The following CLASP2 variants were observed in gnomAD, a reference collection of about 807,000 sequenced individuals.
CLASP2 encodes cytoplasmic linker associated protein 2, also known as CLIP-associating protein 2.
In CLASP2, 47 loss-of-function variants were observed where a neutral mutation model predicts 194.4. The observed-to-expected ratio is 0.24, with a 90% CI of 0.19 to 0.31. CLASP2 has a LOEUF of 0.31. Ranked by LOEUF, CLASP2 falls within the 10% of genes least tolerant of loss-of-function variation. The probability of loss-of-function intolerance (pLI) is 1.00; values close to 1 mark genes in which losing one functional copy is unlikely to be tolerated. For missense variants in CLASP2, 1,445 were observed against 1,823.6 expected (o/e 0.79, Z 3.78); for synonymous variants, 619 against 633.5 (o/e 0.98, Z 0.34).
At chr3:33,700,385 T>C (rs2092291094) in intron 1 of CLASP2, among the ~76,000 whole-genome samples, 1 of 151,510 alleles carries the variant, frequency 6.6e-6, no homozygotes, top group South Asian at 2.1e-4. Flanking sequence ...TGAGATTGTG[T>C]CACTGCACTC....
At chr3:33,573,413 A>G (rs779715570) in intron 24 of CLASP2, 59 bp from the exon 25 acceptor site, 9 of 1,531,690 alleles carry the variant, frequency 5.9e-6, no homozygotes, top group South Asian at 1.1e-5. Flanking sequence ...GTATTTCATA[A>G]TTTCTACTGA....
intron 34 of CLASP2, among the ~76,000 whole-genome samples, chr3:33,518,529 A>G (rs1035871976): frequency 3.6e-4 from 54 of 151,940 alleles, no homozygotes; most frequent in Non-Finnish European, 2.6e-4. Flanking sequence ...GCAGACCAAT[A>G]TAACACTATT....
chr3:33,668,074 C>T (rs1296347684), intron 6 of CLASP2, among the ~76,000 whole-genome samples: 2 of 152,046 alleles, frequency 1.3e-5, no homozygotes, highest in Admixed American at 6.6e-5. Flanking sequence ...AAAAAATTAG[C>T]CCGGTGTGGT....
chr3:33,556,887 C>G lies in CLASP2; in HGVS notation c.3009+2420G>C, dbSNP rs754924448. Among the ~76,000 whole-genome samples the G allele has an allele frequency of 6.6e-5, 10 of 152,210 alleles. No individual in the cohort carries two copies. The East Asian group carries it at 1.5e-3, about 23-fold the overall frequency. ...ATAGGAAAGTTAATTTTAATTTGTG[C>G]ATATCTCATTTCAATCTTCGCTTTG... On this transcript the variant is annotated intron_variant, in intron 29 of 38. Transcript: ENST00000682230.
rs749996811 is a variant in CLASP2 at position 33,696,853 on chromosome 3, A to G, written c.274+2T>C. The G allele has an allele frequency of 6.4e-7, 1 of 1,563,630 alleles. No individual in the cohort carries two copies. Among genetic ancestry groups the G allele is most frequent in the Non-Finnish European group, 8.7e-7 (1 of 1,146,244 alleles). ...AATTGTAAATAAACAAAGTTAACTTACCCATTGCTACATAGGATTTAAAGC... is the reference window on the plus strand; with the variant it reads ...AATTGTAAATAAACAAAGTTAACTTGCCCATTGCTACATAGGATTTAAAGC... On this transcript the variant is annotated splice_donor_variant, in intron 2 of 38. Coordinates refer to ENST00000682230, the MANE Select transcript of CLASP2 (RefSeq NM_001365631.1). LOFTEE classifies it high-confidence loss of function.
At chr3:33,671,428 C>T (rs1428805796) in intron 6 of CLASP2, among the ~76,000 whole-genome samples, 2 of 152,080 alleles carry the variant, frequency 1.3e-5, no homozygotes, top group Non-Finnish European at 2.9e-5. Context: ...ATTACCAGAC[C>T]AGGAATTTTT....
chr3:33,623,997 A>G lies in CLASP2; in HGVS notation c.1036-1717T>C, dbSNP rs560259579. Among the ~76,000 whole-genome samples the G allele has an allele frequency of 1.6e-4, 25 of 152,284 alleles. No individual in the cohort carries two copies. The South Asian group carries it at 4.3e-3, about 26-fold the overall frequency. ...TGCCTGCTTTCAACACTTTTATTCA[A>G]CAGAGTACTAGAAGGCCTAGCCAGA... On this transcript the variant is annotated intron_variant, in intron 10 of 38. Transcript: ENST00000682230.
intron 25 of CLASP2, 33 bp downstream of exon 25, chr3:33,573,077 A>G: frequency 6.2e-7 from 1 of 1,611,024 alleles, no homozygotes; most frequent in Admixed American, 1.7e-5. Flanking sequence ...CGCTAACCTG[A>G]TAGTAAAATC....
At chr3:33,611,289 C>T (rs1221500802) in intron 13 of CLASP2, among the ~76,000 whole-genome samples, 1 of 152,186 alleles carries the variant, frequency 6.6e-6, no homozygotes, top group Non-Finnish European at 1.5e-5. Flanking sequence ...TCCTTGTAGT[C>T]CAGGATAACC....
At position 33,619,605 on chromosome 3, in the gene CLASP2, G is replaced by A. The variant is rs1397144928; in HGVS notation, c.1315C>T (p.Arg439Trp). The change falls in exon 12 of 39, where the codon CGG becomes TGG. Residue 439 changes from arginine to tryptophan, a missense_variant and splice_region_variant. Arg to Trp is a moderately radical substitution (Grantham distance 101). Coordinates refer to ENST00000682230, the MANE Select transcript of CLASP2 (RefSeq NM_001365631.1). ...AGAAAACGAGAGAGCAAACCTACCC[G>A]AATGATAAATCTGATTGCTGCACAT... ...SGCAAIRFII[R>W]HTHVPRLIPL... The A allele has an allele frequency of 7.8e-6, 12 of 1,547,820 alleles. No homozygotes were observed. Among genetic ancestry groups the A allele is most frequent in the African/African-American group, 1.4e-5 (1 of 72,692 alleles).
chr3:33,538,974 G>C, intron 32 of CLASP2, 32 bp from the exon 33 acceptor site: 4 of 1,492,680 alleles, frequency 2.7e-6, no homozygotes, highest in Non-Finnish European at 3.6e-6. Flanking sequence ...TTTTTACTTA[G>C]GTGTAGTTTT....
intron 23 of CLASP2, among the ~76,000 whole-genome samples, chr3:33,580,812 G>C (rs531670646): frequency 6.6e-6 from 1 of 151,828 alleles, no homozygotes; most frequent in South Asian, 2.1e-4. Flanking sequence ...TCAGGAGATC[G>C]AGACCATCCT....
At position 33,557,111 on chromosome 3, in the gene CLASP2, C is replaced by T. The variant is rs557827684; in HGVS notation, c.3009+2196G>A. ...GCCTCAGCCTCCCGAGTAGCTGGGACTACAGGTGCCCAACATCACCCCTGG... is the reference window on the plus strand; with the variant it reads ...GCCTCAGCCTCCCGAGTAGCTGGGATTACAGGTGCCCAACATCACCCCTGG... On this transcript the variant is annotated intron_variant, in intron 29 of 38. Coordinates refer to ENST00000682230, the MANE Select transcript of CLASP2 (RefSeq NM_001365631.1). Among the ~76,000 whole-genome samples, 3 of 151,590 alleles carry T rather than the reference C, an allele frequency of 2.0e-5. No individual in the cohort carries two copies. In the South Asian group the frequency reaches 6.3e-4, roughly 32 times the overall value.
At chr3:33,636,188 C>G (rs1392973604) in intron 8 of CLASP2, among the ~76,000 whole-genome samples, 1 of 152,076 alleles carries the variant, frequency 6.6e-6, no homozygotes, top group African/African-American at 2.4e-5. Context: ...AAGTAGAAAG[C>G]CCCCAACAAA....
chr3:33,688,966 C>T (rs1010561520), intron 3 of CLASP2, among the ~76,000 whole-genome samples: 1 of 152,118 alleles, frequency 6.6e-6, no homozygotes, highest in African/African-American at 2.4e-5. Flanking sequence ...AGAAATCCAA[C>T]TTTATTTTTA....
chr3:33,549,613 T>C (rs1159782326), intron 30 of CLASP2, among the ~76,000 whole-genome samples: 1 of 152,230 alleles, frequency 6.6e-6, no homozygotes, highest in African/African-American at 2.4e-5. Flanking sequence ...TTTAATCTAT[T>C]GAGGTTTCAT....
intron 27 of CLASP2, chr3:33,564,042 T>C (rs2062229614): frequency 7.4e-6 from 3 of 404,490 alleles, no homozygotes; most frequent in Admixed American, 6.2e-5. Flanking sequence ...CTTCCTGACT[T>C]AGAACTCACA....
chr3:33,534,615 T>C (rs186518896), intron 34 of CLASP2, among the ~76,000 whole-genome samples: 1 of 152,138 alleles, frequency 6.6e-6, no homozygotes, highest in Non-Finnish European at 1.5e-5. Flanking sequence ...ATATCATCAG[T>C]TTTTATACAA....
chr3:33,667,493 C>T (rs150525458), intron 6 of CLASP2, among the ~76,000 whole-genome samples: 28 of 148,810 alleles, frequency 1.9e-4, no homozygotes, highest in African/African-American at 6.7e-4. Context: ...TGATGGCGTT[C>T]CTTGAAGCAT....
Sources: gnomAD v4.1 joint callset for allele counts (sites outside exome capture counted in the v4.1 genomes callset) on GRCh38, gnomAD v4.1.1 for gene constraint, MANE v1.5 for transcripts, NCBI Gene and HGNC (gene_info 2026-07-23, HGNC 2026-07-21) for gene names.